SOX6: variants seen among roughly 807,000 people sequenced by gnomAD.
The protein encoded by SOX6 is SRY-box transcription factor 6.
Under a neutral mutation model 97.8 loss-of-function variants are expected in SOX6, and 11 were observed. That is an observed-to-expected ratio of 0.11 (90% CI 0.07 to 0.19). SOX6 has a LOEUF of 0.19. Ranked by LOEUF, SOX6 falls within the 10% of genes least tolerant of loss-of-function variation. The pLI is 1.00. For synonymous variants in SOX6, 360 were observed against 371.4 expected (o/e 0.97, Z 0.35); for missense variants, 810 against 1,039.5 (o/e 0.78, Z 3.04).
chr11:16,322,124 G>T (rs1855945653), intron 2 of SOX6, among the ~76,000 whole-genome samples: 1 of 152,024 alleles, frequency 6.6e-6, no homozygotes. Context: ...CTTAAGAACA[G>T]AACAGGTCCA....
At chr11:16,463,137 C>T (rs541069547) in intron 1 of SOX6, among the ~76,000 whole-genome samples, 3 of 152,240 alleles carry the variant, frequency 2.0e-5, no homozygotes, top group East Asian at 3.9e-4. Flanking sequence ...TGAAATAAAA[C>T]CCTGCTGGTG....
intron 1 of SOX6, among the ~76,000 whole-genome samples, chr11:16,353,891 T>C (rs1298282951): frequency 1.3e-5 from 2 of 152,016 alleles, no homozygotes; most frequent in African/African-American, 2.4e-5. Context: ...AACCACCACC[T>C]CCACCTCACG....
intron 4 of SOX6, among the ~76,000 whole-genome samples, chr11:16,224,890 T>A (rs1040089959): frequency 1.3e-5 from 2 of 152,018 alleles, no homozygotes; most frequent in Admixed American, 6.6e-5. Flanking sequence ...CTCTTCTGGA[T>A]ATTGAGATCC....
At chr11:15,993,017 A>G (rs1034089771) in intron 13 of SOX6, among the ~76,000 whole-genome samples, 1 of 152,218 alleles carries the variant, frequency 6.6e-6, no homozygotes, top group Non-Finnish European at 1.5e-5. Context: ...AACATTTAGA[A>G]AGTGTCCCTA....
intron 1 of SOX6, among the ~76,000 whole-genome samples, chr11:16,406,698 A>C (rs1283348010): frequency 2.0e-5 from 3 of 152,078 alleles, no homozygotes; most frequent in Non-Finnish European, 4.4e-5. Flanking sequence ...GGCACTGAAA[A>C]GTTTTATGGC....
At chr11:16,274,146 A>G (rs1389326699) in intron 3 of SOX6, among the ~76,000 whole-genome samples, 1 of 152,096 alleles carries the variant, frequency 6.6e-6, no homozygotes, top group Non-Finnish European at 1.5e-5. Context: ...TTAATTTTTC[A>G]TAATGTCCCT....
intron 12 of SOX6, among the ~76,000 whole-genome samples, chr11:16,027,226 G>A (rs567145493): frequency 6.6e-6 from 1 of 152,056 alleles, no homozygotes; most frequent in Non-Finnish European, 1.5e-5. Flanking sequence ...GCAGGAATTA[G>A]TATAATTATT....
At chr11:16,234,539 T>A (rs1852957590) in intron 4 of SOX6, 43 bp downstream of exon 4, 1 of 1,135,138 alleles carries the variant, frequency 8.8e-7, no homozygotes, top group East Asian at 2.4e-5. Flanking sequence ...CAAAATAACA[T>A]CACATCACTG....
chr11:16,136,145 A>G (rs1170856359), intron 6 of SOX6, among the ~76,000 whole-genome samples: 1 of 151,758 alleles, frequency 6.6e-6, no homozygotes, highest in African/African-American at 2.4e-5. Flanking sequence ...CAGCCTCCCA[A>G]GTAGCTGGGA....
chr11:16,136,869 C>T (rs1293937040), intron 6 of SOX6, among the ~76,000 whole-genome samples: 1 of 152,160 alleles, frequency 6.6e-6, no homozygotes, highest in Non-Finnish European at 1.5e-5. Context: ...TATATAGTCT[C>T]TCCAGACCAT....
chr11:16,271,539 T>G (rs1854259113), intron 3 of SOX6, among the ~76,000 whole-genome samples: 2 of 151,462 alleles, frequency 1.3e-5, no homozygotes, highest in African/African-American at 4.8e-5. Flanking sequence ...ATCTCCTCTA[T>G]GGAAATCAAT....
intron 11 of SOX6, among the ~76,000 whole-genome samples, chr11:16,048,004 A>G (rs1362465553): frequency 6.6e-6 from 1 of 152,084 alleles, no homozygotes; most frequent in Non-Finnish European, 1.5e-5. Context: ...ACTTCAGCCC[A>G]TTTCTAGCTC....
intron 2 of SOX6, among the ~76,000 whole-genome samples, chr11:16,332,916 A>G (rs1256096330): frequency 6.6e-6 from 1 of 152,190 alleles, no homozygotes; most frequent in Non-Finnish European, 1.5e-5. Flanking sequence ...AGGACAATCA[A>G]ACAGTGGAAT....
In SOX6 at chr11:15,967,836, T is replaced by TA. The variant is rs1853183924; in HGVS notation, c.*4972_*4973insT. On this transcript the variant is annotated 3_prime_UTR_variant, in exon 16 of 16. Transcript: ENST00000683767. ...ACTGAGTTTTCTTCAAGCGTTCATA[T>TA]TGCCATGGACACTGATTAGAAGAGT... 1 of 152,180 alleles carries TA rather than the reference T, an allele frequency of 6.6e-6. No homozygotes were observed. Among genetic ancestry groups the TA allele is most frequent in the African/African-American group, 2.4e-5 (1 of 41,430 alleles). The allele number at this position is 152,180 out of a possible 1,614,324, so 9.4% of individuals were successfully genotyped here.
intron 4 of SOX6, among the ~76,000 whole-genome samples, chr11:16,489,517 G>C (rs1257813435): frequency 5.3e-5 from 8 of 152,092 alleles, no homozygotes; most frequent in African/African-American, 1.4e-4. Context: ...AATAGACATA[G>C]TCAATAGAGT....
chr11:16,388,966 C>A (rs1010202366), intron 1 of SOX6, among the ~76,000 whole-genome samples: 1 of 152,168 alleles, frequency 6.6e-6, no homozygotes, highest in Non-Finnish European at 1.5e-5. Context: ...GCCCCAACAT[C>A]ATTCTCTTTT....
intron 9 of SOX6, among the ~76,000 whole-genome samples, chr11:16,070,136 C>G (rs1473078938): frequency 1.3e-5 from 2 of 152,090 alleles, no homozygotes; most frequent in African/African-American, 2.4e-5. Context: ...GCCTGGGCAA[C>G]AGAGTGAGAC....
chr11:16,455,327 C>T, intron 1 of SOX6, among the ~76,000 whole-genome samples: 1 of 151,890 alleles, frequency 6.6e-6, no homozygotes, highest in Non-Finnish European at 1.5e-5. Context: ...TGTAGTTCGA[C>T]TTGAATAATT....
chr11:16,624,334 C>G (rs1025178475), intron 3 of SOX6, among the ~76,000 whole-genome samples: 3 of 151,888 alleles, frequency 2.0e-5, no homozygotes, highest in Non-Finnish European at 2.9e-5. Flanking sequence ...ACTACAAGTG[C>G]GTGCCACCAC....
Sources: gnomAD v4.1 joint callset for allele counts (sites outside exome capture counted in the v4.1 genomes callset) on GRCh38, gnomAD v4.1.1 for gene constraint, MANE v1.5 for transcripts, NCBI Gene and HGNC (gene_info 2026-07-23, HGNC 2026-07-21) for gene names.